Variants in KDM4C observed in about 807,000 individuals in gnomAD.
KDM4C encodes the protein lysine demethylase 4C.
A neutral mutation model predicts 129.3 loss-of-function variants in KDM4C; 81 were observed. The ratio of observed to expected loss-of-function variants is 0.63; its 90% CI spans 0.52 to 0.75. The LOEUF is 0.75. KDM4C is among the 30% of genes least tolerant of loss of function. KDM4C has a pLI of 0.00. For missense variants in KDM4C, 1,457 were observed against 1,304.0 expected (o/e 1.12, Z -1.81); for synonymous variants, 573 against 456.1 (o/e 1.26, Z -3.26).
intron 17 of KDM4C, among the ~76,000 whole-genome samples, chr9:7,052,807 C>A (rs1830326223): frequency 6.7e-6 from 1 of 148,492 alleles, no homozygotes; most frequent in Non-Finnish European, 1.5e-5. Flanking sequence ...TCTTATGTTG[C>A]TCTTAAACTA....
At chr9:6,827,823 A>G (rs922607730) in intron 4 of KDM4C, among the ~76,000 whole-genome samples, 2 of 152,236 alleles carry the variant, frequency 1.3e-5, no homozygotes, top group African/African-American at 4.8e-5. Flanking sequence ...CTGTGAAATA[A>G]GGCTTCTAGG....
At chr9:6,735,748 G>A (rs1300479112) in intron 1 of KDM4C, among the ~76,000 whole-genome samples, 1 of 152,128 alleles carries the variant, frequency 6.6e-6, no homozygotes, top group African/African-American at 2.4e-5. Flanking sequence ...GCGTGAAAAT[G>A]GACTCATACA....
At chr9:6,768,280 C>T (rs1821040627) in intron 1 of KDM4C, among the ~76,000 whole-genome samples, 1 of 151,526 alleles carries the variant, frequency 6.6e-6, no homozygotes, top group Admixed American at 6.6e-5. Flanking sequence ...CATAAATGAT[C>T]ACATAGTTTT....
intron 1 of KDM4C, among the ~76,000 whole-genome samples, chr9:6,732,084 G>C (rs978197832): frequency 2.0e-5 from 3 of 151,936 alleles, no homozygotes; most frequent in African/African-American, 7.2e-5. Context: ...GAATGAGGCT[G>C]GGGCTGGGTG....
intron 5 of KDM4C, among the ~76,000 whole-genome samples, chr9:6,868,847 C>T (rs1247886098): frequency 6.6e-6 from 1 of 151,870 alleles, no homozygotes; most frequent in African/African-American, 2.4e-5. Flanking sequence ...AAAAGTTGTT[C>T]AGAGTTGATA....
intron 1 of KDM4C, among the ~76,000 whole-genome samples, chr9:6,783,209 C>T (rs549626464): frequency 1.8e-4 from 28 of 152,240 alleles, no homozygotes; most frequent in Middle Eastern, 3.4e-3. Flanking sequence ...GTATAATAAC[C>T]GCCTGTGTAC....
At chr9:6,954,091 A>G (rs1828646262) in intron 8 of KDM4C, among the ~76,000 whole-genome samples, 1 of 152,188 alleles carries the variant, frequency 6.6e-6, no homozygotes, top group East Asian at 1.9e-4. Flanking sequence ...TTCTATGCTC[A>G]CATCAAACCA....
chr9:7,144,759 T>C (rs1195118362), intron 19 of KDM4C, among the ~76,000 whole-genome samples: 1 of 152,212 alleles, frequency 6.6e-6, no homozygotes, highest in Non-Finnish European at 1.5e-5. Flanking sequence ...AGAGTGAAAA[T>C]GCTGTTCATG....
chr9:6,961,857 T>A (rs1459223857), intron 8 of KDM4C, among the ~76,000 whole-genome samples: 1 of 152,214 alleles, frequency 6.6e-6, no homozygotes, highest in Non-Finnish European at 1.5e-5. Flanking sequence ...AAAGCTTTTT[T>A]CCCTTCTAGC....
intron 18 of KDM4C, among the ~76,000 whole-genome samples, chr9:7,123,673 GA>G (rs766140470): frequency 1.3e-5 from 2 of 152,232 alleles, no homozygotes; most frequent in Non-Finnish European, 2.9e-5. Flanking sequence ...GATGGTAACT[GA>G]AAGAGTCATG....
chr9:6,721,362 C>T (rs1002283703), intron 1 of KDM4C, among the ~76,000 whole-genome samples: 33 of 146,338 alleles, frequency 2.3e-4, no homozygotes, highest in African/African-American at 7.8e-4. Context: ...GGGCTCACTG[C>T]AACCTTCACC....
intron 5 of KDM4C, among the ~76,000 whole-genome samples, chr9:6,853,172 C>T (rs187127025): frequency 4.0e-4 from 61 of 152,208 alleles, no homozygotes; most frequent in African/African-American, 1.3e-3. Flanking sequence ...TAAGGGCAGG[C>T]ATGGAAACTT....
At chr9:7,053,804 G>C (rs987610956) in intron 17 of KDM4C, among the ~76,000 whole-genome samples, 2 of 152,150 alleles carry the variant, frequency 1.3e-5, no homozygotes, top group African/African-American at 4.8e-5. Flanking sequence ...AAATGCTACA[G>C]GTTGCTATCC....
intron 1 of KDM4C, chr9:6,734,750 T>C: frequency 2.8e-6 from 1 of 361,222 alleles, no homozygotes. Context: ...GTGACTTGTA[T>C]ATAAGCCTCT....
At chr9:6,760,205 C>T (rs1347258092) in intron 1 of KDM4C, among the ~76,000 whole-genome samples, 1 of 151,696 alleles carries the variant, frequency 6.6e-6, no homozygotes, top group Non-Finnish European at 1.5e-5. Flanking sequence ...GAATAATACA[C>T]TATCTGGTCT....
intron 4 of KDM4C, among the ~76,000 whole-genome samples, chr9:6,846,938 C>T (rs1221062916): frequency 2.0e-5 from 3 of 152,134 alleles, no homozygotes; most frequent in Non-Finnish European, 4.4e-5. Flanking sequence ...ACTTGACGCT[C>T]AGAAAAGCTC....
At chr9:6,898,398 T>C (rs1816806486) in intron 8 of KDM4C, among the ~76,000 whole-genome samples, 1 of 152,192 alleles carries the variant, frequency 6.6e-6, no homozygotes, top group African/African-American at 2.4e-5. Flanking sequence ...TGAAAGAGAC[T>C]TACTGTGTCA....
chr9:6,948,887 T>C (rs1827501386), intron 8 of KDM4C, among the ~76,000 whole-genome samples: 2 of 152,308 alleles, frequency 1.3e-5, no homozygotes, highest in South Asian at 4.1e-4. Context: ...TACTTCTTTC[T>C]ACACAGATGC....
rs539734178 is a variant in KDM4C at position 6,785,768 on chromosome 9, G to T, written c.-17-7204G>T. Among the ~76,000 whole-genome samples, 85 of 152,342 alleles carry T rather than the reference G, an allele frequency of 5.6e-4. 1 individual carries two copies. Among genetic ancestry groups the T allele is most frequent in the African/African-American group, 1.9e-3 (81 of 41,582 alleles). ...AAGGCCACATTCACAGGTGTTGGGG[G>T]TTAGGTTTCAGCGTGTCTTTTGGGG... On this transcript the variant is annotated intron_variant, in intron 1 of 21. Transcript: ENST00000381309.
Sources: gnomAD v4.1 joint callset for allele counts (sites outside exome capture counted in the v4.1 genomes callset) on GRCh38, gnomAD v4.1.1 for gene constraint, MANE v1.5 for transcripts, NCBI Gene and HGNC (gene_info 2026-07-23, HGNC 2026-07-21) for gene names.